The following CREBBP variants were observed in gnomAD, a reference collection of about 807,000 sequenced individuals.
CREBBP encodes the protein CREB-binding protein.
In CREBBP, 19 loss-of-function variants were observed where a neutral mutation model predicts 265.0. The ratio of observed to expected loss-of-function variants is 0.07; its 90% CI spans 0.05 to 0.11. The LOEUF (loss-of-function observed/expected upper bound fraction) is 0.11. Ranked by LOEUF, CREBBP falls within the 10% of genes least tolerant of loss-of-function variation. The pLI, the probability that CREBBP is intolerant of heterozygous loss-of-function variation, is 1.00. For synonymous variants in CREBBP, 1,457 were observed against 1,223.7 expected (o/e 1.19, Z -3.98); for missense variants, 2,525 against 3,219.0 (o/e 0.78, Z 5.22).
rs2051909934 is a variant in CREBBP at position 3,731,333 on chromosome 16, C to T, written c.5031G>A (p.Glu1677=). 1.2e-6 allele frequency: 2 copies of T among 1,614,106 alleles called. No homozygotes were observed. Among genetic ancestry groups the T allele is most frequent in the South Asian group, 2.2e-5 (2 of 91,054 alleles). The stretch of plus-strand genomic sequence containing the variant: ...ACTTGGAGCGGCGCAAGGAGGAGAA[C>T]TCCCAGTGCTTGTCTCTGGCGAGGG... ...FLTLARDKHW[E]FSSLRRSKWS... is the part of the protein sequence containing the mutation. Residue 1677 remains glutamate (E), a synonymous_variant, in exon 30 of 31, where the codon GAG becomes GAA. Coordinates refer to ENST00000262367, the MANE Select transcript of CREBBP (RefSeq NM_004380.3). This position sits in a 1 kb window ranked among gnomAD's most constrained non-coding sequence, Gnocchi z 7.7.
chr16:3,817,665 TAGA>T (rs1361065764), intron 2 of CREBBP, among the ~76,000 whole-genome samples: 1 of 152,220 alleles, frequency 6.6e-6, no homozygotes, highest in Non-Finnish European at 1.5e-5. Flanking sequence ...ATCATCAAAA[TAGA>T]AGTATTTCCC....
intron 2 of CREBBP, among the ~76,000 whole-genome samples, chr16:3,814,163 T>TTG (rs2053988728): frequency 4.8e-5 from 6 of 124,150 alleles, no homozygotes; most frequent in East Asian, 3.2e-4. Context: ...CAATGTTGTT[T>TTG]AGTGTGTGTG....
intron 24 of CREBBP, 44 bp downstream of exon 24, chr16:3,740,355 G>A (rs370503052): frequency 4.0e-5 from 64 of 1,610,588 alleles, no homozygotes; most frequent in Non-Finnish European, 4.8e-5. Context: ...GCAAGCGGGC[G>A]TGGGGACTGC....
chr16:3,847,415 G>A (rs1367878249), intron 2 of CREBBP, among the ~76,000 whole-genome samples: 1 of 152,110 alleles, frequency 6.6e-6, no homozygotes, highest in Non-Finnish European at 1.5e-5. Context: ...AGAGGGAATG[G>A]TTTAAAATGG....
intron 1 of CREBBP, among the ~76,000 whole-genome samples, chr16:3,867,385 C>T (rs180866871): frequency 4.6e-5 from 7 of 152,050 alleles, no homozygotes; most frequent in South Asian, 4.1e-4. Flanking sequence ...CAAGCTACTG[C>T]GGAGGCTGAA....
At chr16:3,874,261 C>T (rs1233448842) in intron 1 of CREBBP, among the ~76,000 whole-genome samples, 5 of 152,226 alleles carry the variant, frequency 3.3e-5, no homozygotes, top group Non-Finnish European at 7.3e-5. Flanking sequence ...TGCTCCAAGA[C>T]AGGAGACCCA....
intron 16 of CREBBP, among the ~76,000 whole-genome samples, chr16:3,766,643 C>T (rs111599234): frequency 2.2e-3 from 332 of 152,124 alleles, no homozygotes; most frequent in African/African-American, 7.5e-3. Context: ...CTGCCGCTTC[C>T]GCTTCTCGAG....
intron 15 of CREBBP, 111 bp downstream of exon 15, chr16:3,769,063 A>C (rs1233978678): frequency 7.9e-7 from 1 of 1,270,620 alleles, no homozygotes; most frequent in Non-Finnish European, 1.1e-6. Context: ...ATTCAAACAG[A>C]ATATTTTAAC....
rs1476678901 is a variant in CREBBP, at chr16:3,767,743, G to A, written c.3227C>T (p.Ser1076Phe). 1 of 1,614,262 alleles carries A rather than the reference G, an allele frequency of 6.2e-7. No homozygotes were observed. The highest frequency in any genetic ancestry group is 1.7e-5 in the Admixed American group (1 of 60,028). Residue 1076 changes from serine to phenylalanine, a missense_variant, in exon 16 of 31, where the codon TCT becomes TTT. By Grantham distance (155) the Ser-to-Phe change is radical (BLOSUM62 -2). Transcript: ENST00000262367. ...ACTTTTTTTGCGCGGCTGCGAAGGAGATGTTGACTGAGAGGCTGTGCCGTT... is the reference window on the plus strand; with the variant it reads ...ACTTTTTTTGCGCGGCTGCGAAGGAAATGTTGACTGAGAGGCTGTGCCGTT... Reference protein sequence around the residue: ...SSNGTASQSTSPSQPRKKIFK... With the variant: ...SSNGTASQSTFPSQPRKKIFK...
At chr16:3,830,715 ATT>A (rs2054326063) in intron 2 of CREBBP, among the ~76,000 whole-genome samples, 1 of 152,180 alleles carries the variant, frequency 6.6e-6, no homozygotes. Context: ...AATCATAAGG[ATT>A]TGAACACCAT....
Position 3,731,899 on chromosome 16 carries a change from G to C in CREBBP, c.4767C>G (p.Asn1589Lys). The stretch of plus-strand genomic sequence containing the variant: ...TTTTGTTCTTGTTGGTTTTCTTGTT[G>C]TTCTTCTTCTTGGCATTCTTGCTGT... ...QGDSKNAKKK[N>K]NKKTNKNKSS... The change falls in exon 29 of 31, where the codon AAC becomes AAG. Residue 1589 changes from asparagine (N) to lysine (K), a missense_variant. Coordinates refer to ENST00000262367, the MANE Select transcript of CREBBP (RefSeq NM_004380.3). This position sits in a 1 kb window ranked among gnomAD's most constrained non-coding sequence, Gnocchi z 7.7. The C allele has an allele frequency of 6.2e-7, 1 of 1,614,226 alleles. No homozygotes were observed.
intron 2 of CREBBP, among the ~76,000 whole-genome samples, chr16:3,837,559 T>C (rs149436168): frequency 0.011 from 1,707 of 151,574 alleles, 34 homozygotes; most frequent in African/African-American, 0.038. Context: ...GAGGTTGCAG[T>C]GAGCAGAGAT....
chr16:3,878,386 A>G (rs2055447069), intron 1 of CREBBP, among the ~76,000 whole-genome samples: 1 of 152,244 alleles, frequency 6.6e-6, no homozygotes, highest in African/African-American at 2.4e-5. Context: ...GAAAAGCATT[A>G]GTGATTTTTA....
intron 2 of CREBBP, among the ~76,000 whole-genome samples, chr16:3,814,580 A>AAC (rs1308295314): frequency 1.3e-5 from 2 of 152,224 alleles, no homozygotes; most frequent in East Asian, 3.9e-4. Context: ...TTCAAAGGGT[A>AAC]ACCCAGTGTT....
rs371656213 is a variant in CREBBP, at chr16:3,728,909, C to T, written c.6138G>A (p.Ala2046=). ...PRPVISMQAQ[A]AVAGPRMPSV... ...TGGGCATCCGGGGCCCAGCCACGGC[C>T]GCCTGGGCCTGCATGGATATCACAG... Residue 2046 remains alanine (A), a synonymous_variant, in exon 31 of 31, where the codon GCG becomes GCA. Coordinates refer to ENST00000262367, the MANE Select transcript of CREBBP (RefSeq NM_004380.3). The surrounding 1 kb of genome is among the most constrained non-coding windows in gnomAD (Gnocchi z 8.7). 220 of 1,607,658 alleles carry T rather than the reference C, an allele frequency of 1.4e-4. No homozygotes were observed. In the East Asian group the frequency reaches 2.7e-3, roughly 20 times the overall value.
chr16:3,814,840 T>C (rs1296073810), intron 2 of CREBBP, among the ~76,000 whole-genome samples: 1 of 152,176 alleles, frequency 6.6e-6, no homozygotes, highest in Admixed American at 6.5e-5. Context: ...CCAGGCTACA[T>C]GCAGGAGGTT....
intron 26 of CREBBP, among the ~76,000 whole-genome samples, chr16:3,737,173 T>C (rs573781217): frequency 1.1e-4 from 17 of 152,322 alleles, no homozygotes; most frequent in Admixed American, 6.5e-5. Context: ...ACTATTTTTC[T>C]CCAAGGGTCA....
Position 3,850,845 on chromosome 16 carries a change from G to A in CREBBP, c.250C>T (p.Pro84Ser), listed in dbSNP as rs770952413. 1.2e-6 allele frequency: 2 copies of A among 1,614,028 alleles called. No individual in the cohort carries two copies. Among genetic ancestry groups the A allele is most frequent in the Non-Finnish European group, 1.7e-6 (2 of 1,180,044 alleles). The stretch of plus-strand genomic sequence containing the variant: ...CTGGCGCTCACATTTCCTATTCCTG[G>A]GTTGATACTAGAGCCGCTGCCTCCT... Reference protein sequence around the residue: ...LRGGSGSSINPGIGNVSASSP... With the variant: ...LRGGSGSSINSGIGNVSASSP... The change falls in exon 2 of 31, where the codon CCA becomes TCA. Residue 84 changes from proline to serine, a missense_variant. Pro to Ser is a moderately conservative substitution (Grantham distance 74). This residue lies in a region of CREBBP where 356 missense variants were observed against 340.4 expected (regional missense o/e 1.05). Transcript: ENST00000262367.
At chr16:3,739,538 C>T in intron 25 of CREBBP, 40 bp downstream of exon 25, 1 of 1,613,754 alleles carries the variant, frequency 6.2e-7, no homozygotes, top group Non-Finnish European at 8.5e-7. Context: ...CCTAACACGG[C>T]TCACTGAATG....
Sources: allele counts gnomAD v4.1 joint callset (sites outside exome capture counted in the v4.1 genomes callset), GRCh38; gene constraint gnomAD v4.1.1; regional missense constraint gnomAD v4.1.1; non-coding constraint Gnocchi (gnomAD v3.1); transcripts MANE v1.5; gene names NCBI Gene and HGNC (gene_info 2026-07-23, HGNC 2026-07-21).